The following C8orf34 variants were observed in gnomAD, a reference collection of about 807,000 sequenced individuals.
The protein encoded by C8orf34 is chromosome 8 open reading frame 34.
C8orf34 carries 65 observed loss-of-function variants against 68.3 expected under a neutral mutation model. The ratio of observed to expected loss-of-function variants is 0.95; its 90% CI spans 0.78 to 1.17. The LOEUF (loss-of-function observed/expected upper bound fraction) is 1.17, where lower values mean the gene tolerates loss of function less well. C8orf34 is among the 50% of genes most tolerant of loss of function. The pLI is 0.00. For synonymous variants in C8orf34, 244 were observed against 241.2 expected (o/e 1.01, Z -0.11); for missense variants, 664 against 655.4 (o/e 1.01, Z -0.14).
chr8:68,621,581 T>G (rs578055665), intron 7 of C8orf34, among the ~76,000 whole-genome samples: 1 of 152,364 alleles, frequency 6.6e-6, no homozygotes, highest in East Asian at 1.9e-4. Context: ...TATTAACATT[T>G]GATAGCTGTC....
chr8:68,658,644 G>C (rs187754428), intron 8 of C8orf34, among the ~76,000 whole-genome samples: 91 of 151,876 alleles, frequency 6.0e-4, no homozygotes, highest in Non-Finnish European at 9.1e-4. Flanking sequence ...GATGAATATT[G>C]AGCTTCTCAA....
intron 7 of C8orf34, 122 bp downstream of exon 7, chr8:68,533,271 A>T: frequency 1.4e-6 from 2 of 1,414,376 alleles, no homozygotes; most frequent in Non-Finnish European, 1.8e-6. Flanking sequence ...ACCATTTAGT[A>T]CATATTTTAT....
At chr8:68,391,428 T>C (rs2129620697) in intron 1 of C8orf34, among the ~76,000 whole-genome samples, 1 of 152,228 alleles carries the variant, frequency 6.6e-6, no homozygotes, top group East Asian at 1.9e-4. Context: ...TCCCACCCCA[T>C]GAAGGAGGCT....
intron 7 of C8orf34, among the ~76,000 whole-genome samples, chr8:68,574,928 T>C (rs1377878585): frequency 1.3e-5 from 2 of 152,002 alleles, no homozygotes. Context: ...ATCATTCATT[T>C]ATAGACACTC....
chr8:68,603,562 TATC>T (rs1563555921), intron 7 of C8orf34, among the ~76,000 whole-genome samples: 1 of 103,248 alleles, frequency 9.7e-6, no homozygotes, highest in Non-Finnish European at 1.8e-5. Flanking sequence ...TCTATCTATC[TATC>T]TATCTATCTT....
At chr8:68,588,830 T>C (rs529404540) in intron 7 of C8orf34, among the ~76,000 whole-genome samples, 1 of 152,140 alleles carries the variant, frequency 6.6e-6, no homozygotes, top group Non-Finnish European at 1.5e-5. Context: ...AACAATGGGC[T>C]AGGTCAGAAG....
At chr8:68,565,612 C>T (rs894617997) in intron 7 of C8orf34, among the ~76,000 whole-genome samples, 1 of 148,880 alleles carries the variant, frequency 6.7e-6, no homozygotes, top group African/African-American at 2.6e-5. Context: ...AGAATGAGTC[C>T]ATCTTTTGTG....
At chr8:68,419,011 CA>C in intron 1 of C8orf34, among the ~76,000 whole-genome samples, 1 of 149,368 alleles carries the variant, frequency 6.7e-6, no homozygotes. Flanking sequence ...AGCTTCTGCA[CA>C]GCAAAAGAAA....
intron 12 of C8orf34, among the ~76,000 whole-genome samples, chr8:68,807,964 T>G (rs1824535125): frequency 6.6e-6 from 1 of 152,230 alleles, no homozygotes; most frequent in South Asian, 2.1e-4. Context: ...CATTTCTCAG[T>G]AAGATTACAA....
intron 12 of C8orf34, among the ~76,000 whole-genome samples, chr8:68,808,785 T>C (rs933416721): frequency 2.6e-5 from 4 of 152,132 alleles, no homozygotes; most frequent in African/African-American, 7.2e-5. Context: ...TTGGAACCCA[T>C]AGGACAACTA....
At chr8:68,401,253 C>A (rs1198590908) in intron 1 of C8orf34, among the ~76,000 whole-genome samples, 2 of 151,620 alleles carry the variant, frequency 1.3e-5, no homozygotes, top group Non-Finnish European at 2.9e-5. Context: ...TGAATGTATT[C>A]ATCAAAACTA....
At chr8:68,426,711 C>G (rs938640289) in intron 1 of C8orf34, among the ~76,000 whole-genome samples, 1 of 150,932 alleles carries the variant, frequency 6.6e-6, no homozygotes, top group African/African-American at 2.4e-5. Context: ...CTACTAAAAA[C>G]ACAAAAAATT....
chr8:68,561,752 C>A (rs1816435917), intron 7 of C8orf34, among the ~76,000 whole-genome samples: 1 of 152,116 alleles, frequency 6.6e-6, no homozygotes, highest in Non-Finnish European at 1.5e-5. Context: ...GGCAAGACTT[C>A]ATCTCAAAAG....
chr8:68,578,210 A>G (rs1264773609), intron 7 of C8orf34, among the ~76,000 whole-genome samples: 1 of 151,954 alleles, frequency 6.6e-6, no homozygotes, highest in African/African-American at 2.4e-5. Flanking sequence ...TTAGGGTACA[A>G]GAAACATGGA....
intron 3 of C8orf34, among the ~76,000 whole-genome samples, chr8:68,456,255 G>GAA (rs377708631): frequency 4.2e-5 from 6 of 143,946 alleles, no homozygotes; most frequent in Admixed American, 7.0e-5. Context: ...CACTCTGTCT[G>GAA]AAAAAAAAAA....
At position 68,672,177 on chromosome 8, in the gene C8orf34, G is replaced by A. The variant is rs1261339661; in HGVS notation, c.1241+31666G>A. 2.1e-5 allele frequency among the ~76,000 whole-genome samples: 3 copies of A among 146,100 alleles called. No homozygotes were observed. The East Asian group carries it at 6.1e-4, about 30-fold the overall frequency. ...GGAAGTCTGGTTATGGAGGCAAGGG[G>A]GAAGGATTTAGGGTTTAAGAGACAG... On this transcript the variant is annotated intron_variant, in intron 8 of 13. Transcript: ENST00000518698.
intron 7 of C8orf34, among the ~76,000 whole-genome samples, chr8:68,558,694 G>A (rs1488186263): frequency 6.6e-6 from 1 of 152,008 alleles, no homozygotes; most frequent in Non-Finnish European, 1.5e-5. Flanking sequence ...TATAAAAATG[G>A]GCTAATTATT....
intron 8 of C8orf34, among the ~76,000 whole-genome samples, chr8:68,677,455 C>T (rs1354643073): frequency 2.0e-5 from 3 of 152,038 alleles, no homozygotes; most frequent in Non-Finnish European, 1.5e-5. Flanking sequence ...GCCTCCCAAA[C>T]TCAAACAATC....
At chr8:68,753,396 G>T (rs900456599) in intron 10 of C8orf34, among the ~76,000 whole-genome samples, 7 of 152,124 alleles carry the variant, frequency 4.6e-5, no homozygotes, top group Non-Finnish European at 8.8e-5. Flanking sequence ...AAACATAATG[G>T]TTCTCTAAGG....
Sources: allele counts gnomAD v4.1 joint callset (sites outside exome capture counted in the v4.1 genomes callset), GRCh38; gene constraint gnomAD v4.1.1; transcripts MANE v1.5; gene names NCBI Gene and HGNC (gene_info 2026-07-23, HGNC 2026-07-21).